C1GALT1: variants seen among roughly 807,000 people sequenced by gnomAD.
The protein encoded by C1GALT1 is core 1 synthase, glycoprotein-N-acetylgalactosamine 3-beta-galactosyltransferase 1.
C1GALT1 carries 11 observed loss-of-function variants against 31.0 expected under a neutral mutation model. The ratio of observed to expected loss-of-function variants is 0.36; its 90% confidence interval spans 0.22 to 0.59. The LOEUF is 0.59. Ranked by LOEUF, C1GALT1 falls within the 20% of genes least tolerant of loss-of-function variation. The pLI, the probability that C1GALT1 is intolerant of heterozygous loss-of-function variation, is 0.79. For missense variants in C1GALT1, 424 were observed against 425.2 expected (o/e 1.00, Z 0.03); for synonymous variants, 175 against 143.6 (o/e 1.22, Z -1.56).
intron 1 of C1GALT1, among the ~76,000 whole-genome samples, chr7:7,230,372 C>T (rs574819748): frequency 2.0e-5 from 3 of 151,904 alleles, no homozygotes. Context: ...TATCAATAAG[C>T]TTTCCTTTAA....
At chr7:7,239,795 G>A (rs905155894) in intron 3 of C1GALT1, among the ~76,000 whole-genome samples, 13 of 152,082 alleles carry the variant, frequency 8.5e-5, no homozygotes, top group Admixed American at 7.2e-4. Context: ...GTTATTTAAA[G>A]AAGAAAATGC....
intron 1 of C1GALT1, among the ~76,000 whole-genome samples, chr7:7,215,137 G>T (rs1437640475): frequency 6.6e-6 from 1 of 152,174 alleles, no homozygotes; most frequent in African/African-American, 2.4e-5. Context: ...TCCCAAGGAC[G>T]TGAAACAAGA....
rs1783735866 is a variant in C1GALT1, at chr7:7,243,770, A to G, written c.*43A>G. ...ACAAAGGTAATATGTCTAGCACTGC[A>G]CTGAAAAAGGACTTCTGCATTTCTG... On this transcript the variant is annotated 3_prime_UTR_variant, in exon 4 of 4. Coordinates refer to ENST00000436587, the MANE Select transcript of C1GALT1 (RefSeq NM_020156.5). The G allele has an allele frequency of 2.9e-6, 4 of 1,395,680 alleles. No homozygotes were observed. Among genetic ancestry groups the G allele is most frequent in the Non-Finnish European group, 3.9e-6 (4 of 1,028,906 alleles). 86.5% of individuals were successfully genotyped at this position (1,395,680 alleles called of 1,614,324 possible).
chr7:7,246,990 T>C lies in C1GALT1; in HGVS notation c.*3263T>C, dbSNP rs1783873132. The C allele has an allele frequency of 6.6e-6, 1 of 152,196 alleles. No individual in the cohort carries two copies. Among genetic ancestry groups the C allele is most frequent in the Non-Finnish European group, 1.5e-5 (1 of 68,036 alleles). 9.4% of individuals were successfully genotyped at this position (152,196 alleles called of 1,614,324 possible). A position where few individuals can be genotyped will look rare whatever the true frequency, so the allele number is the denominator to read the frequency against. ...AATAAAATCTGTAATTCTCCAAGTT[T>C]AGTAATTTTATATTGAGGCAGGAAG... On this transcript the variant is annotated 3_prime_UTR_variant, in exon 4 of 4. Coordinates refer to ENST00000436587, the MANE Select transcript of C1GALT1 (RefSeq NM_020156.5).
chr7:7,197,965 A>G (rs1446250428), intron 1 of C1GALT1, among the ~76,000 whole-genome samples: 2 of 152,220 alleles, frequency 1.3e-5, no homozygotes, highest in African/African-American at 2.4e-5. Flanking sequence ...TAAATACACA[A>G]TCATGTCATT....
rs372534543 is a variant in C1GALT1 at position 7,224,522 on chromosome 7, A to G, written c.-17-9781A>G. Among the ~76,000 whole-genome samples, 32 of 152,316 alleles carry G rather than the reference A, an allele frequency of 2.1e-4. No homozygotes were observed. The East Asian group carries it at 5.2e-3, about 25-fold the overall frequency. ...GTGAGTTCAGTTTCTATAAATAATT[A>G]TATGGCTGTTCAAATAATCTATTTC... On this transcript the variant is annotated intron_variant, in intron 1 of 3. Transcript: ENST00000436587.
intron 1 of C1GALT1, among the ~76,000 whole-genome samples, chr7:7,203,621 A>T (rs1781610132): frequency 6.6e-6 from 1 of 151,504 alleles, no homozygotes; most frequent in Non-Finnish European, 1.5e-5. Flanking sequence ...GAGAATTTTT[A>T]CATCACTGTT....
intron 2 of C1GALT1, among the ~76,000 whole-genome samples, chr7:7,163,557 C>A (rs1237702696): frequency 6.6e-6 from 1 of 152,058 alleles, no homozygotes; most frequent in East Asian, 1.9e-4. Flanking sequence ...GATTGTATAT[C>A]TAGAAAACCC....
Position 7,234,355 on chromosome 7 carries a change from C to T in C1GALT1, c.36C>T (p.Phe12=). The T allele has an allele frequency of 6.2e-7, 1 of 1,613,908 alleles. No homozygotes were observed. The highest frequency in any genetic ancestry group is 2.2e-5 in the East Asian group (1 of 44,816). ...ASKSWLNFLT[F]LCGSAIGFLL... is the part of the protein sequence containing the mutation. ...AATCCTGGCTGAATTTTTTAACCTTCCTCTGTGGATCAGCAATAGGATTTC... is the reference window on the plus strand; with the variant it reads ...AATCCTGGCTGAATTTTTTAACCTTTCTCTGTGGATCAGCAATAGGATTTC... Residue 12 remains phenylalanine, a synonymous_variant, in exon 2 of 4, where the codon TTC becomes TTT. Transcript: ENST00000436587.
chr7:7,236,619 TCAAG>T (rs1783367734), intron 2 of C1GALT1, among the ~76,000 whole-genome samples: 1 of 152,122 alleles, frequency 6.6e-6, no homozygotes, highest in Non-Finnish European at 1.5e-5. Flanking sequence ...CCTCCCGGGT[TCAAG>T]CAATTCTCCT....
rs115886895 is a variant in C1GALT1 at position 7,191,924 on chromosome 7, C to A, written c.-18+9104C>A. On this transcript the variant is annotated intron_variant, in intron 1 of 3. Coordinates refer to ENST00000436587, the MANE Select transcript of C1GALT1 (RefSeq NM_020156.5). ...TATTTTCACCCATTCTGTGGCTTGCCTTTTACTGTTGATAGGGTCTTCTGG... is the reference window on the plus strand; with the variant it reads ...TATTTTCACCCATTCTGTGGCTTGCATTTTACTGTTGATAGGGTCTTCTGG... Among the ~76,000 whole-genome samples the A allele has an allele frequency of 3.0e-3, 454 of 152,008 alleles. 4 individuals carry two copies. The highest frequency in any genetic ancestry group is 0.01 in the African/African-American group (431 of 41,494).
intron 1 of C1GALT1, among the ~76,000 whole-genome samples, chr7:7,216,924 CTT>C (rs1203154952): frequency 6.6e-6 from 1 of 152,164 alleles, no homozygotes; most frequent in Non-Finnish European, 1.5e-5. Context: ...CTGTAATTCT[CTT>C]TCTTTTCTAA....
chr7:7,163,908 TTC>T (rs1369169742), intron 2 of C1GALT1, among the ~76,000 whole-genome samples: 1 of 151,610 alleles, frequency 6.6e-6, no homozygotes, highest in Non-Finnish European at 1.5e-5. Flanking sequence ...AATTTATAGA[TTC>T]AATGCCATCC....
Position 7,238,135 on chromosome 7 carries a change from T to C in C1GALT1, c.221-120T>C, listed in dbSNP as rs770951729. The C allele has an allele frequency of 4.1e-6, 4 of 972,626 alleles. No individual in the cohort carries two copies. The highest frequency in any genetic ancestry group is 5.9e-6 in the Non-Finnish European group (4 of 675,762). The allele number at this position is 972,626 out of a possible 1,614,324, so 60.2% of individuals were successfully genotyped here. A position where few individuals can be genotyped will look rare whatever the true frequency, so the allele number is the denominator to read the frequency against. Reference sequence around the variant, plus strand: ...ATGAGTTTGCTTTCCTTTGGCTAAATCACTAATAGAGGGATAAATAGGGAC... The same window carrying C: ...ATGAGTTTGCTTTCCTTTGGCTAAACCACTAATAGAGGGATAAATAGGGAC... On this transcript the variant is annotated intron_variant, in intron 2 of 3. Coordinates refer to ENST00000436587, the MANE Select transcript of C1GALT1 (RefSeq NM_020156.5). The surrounding 1 kb of genome is among the most constrained non-coding windows in gnomAD (Gnocchi z 5.2).
chr7:7,196,692 C>T (rs986829054), intron 1 of C1GALT1, among the ~76,000 whole-genome samples: 1 of 152,128 alleles, frequency 6.6e-6, no homozygotes, highest in Non-Finnish European at 1.5e-5. Context: ...AGTGTAAAAG[C>T]GTTCCTGTTT....
At chr7:7,158,937 T>C (rs1780302780) in intron 2 of C1GALT1, among the ~76,000 whole-genome samples, 1 of 152,172 alleles carries the variant, frequency 6.6e-6, no homozygotes, top group South Asian at 2.1e-4. Flanking sequence ...ATTTGTGAAA[T>C]ATATTGAGAC....
At chr7:7,233,845 A>G (rs1783203744) in intron 1 of C1GALT1, among the ~76,000 whole-genome samples, 1 of 152,224 alleles carries the variant, frequency 6.6e-6, no homozygotes, top group Admixed American at 6.5e-5. Context: ...GATGCAACAG[A>G]AACCACATGA....
chr7:7,181,269 G>GAAGGATATTGCGGAAAGGTGGA, upstream of C1GALT1, among the ~76,000 whole-genome samples: 1 of 152,114 alleles, frequency 6.6e-6, no homozygotes, highest in African/African-American at 2.4e-5. Context: ...CGGAAAGGTG[G>GAAGGATATTGCGGAAAGGTGGA]AGGGGGAGGA....
intron 1 of C1GALT1, among the ~76,000 whole-genome samples, chr7:7,222,189 C>G (rs564782917): frequency 6.6e-6 from 1 of 152,232 alleles, no homozygotes; most frequent in East Asian, 1.9e-4. Context: ...TCAGCATTCT[C>G]TTTAATTGGA....
Sources: gnomAD v4.1 joint callset for allele counts (sites outside exome capture counted in the v4.1 genomes callset) on GRCh38, gnomAD v4.1.1 for gene constraint, Gnocchi (gnomAD v3.1) non-coding constraint, MANE v1.5 for transcripts, NCBI Gene and HGNC (gene_info 2026-07-23, HGNC 2026-07-21) for gene names.